Variants in RYR3 observed in about 807,000 individuals in gnomAD.
RYR3 encodes brain ryanodine receptor-calcium release channel.
In RYR3, 207 loss-of-function variants were observed where a neutral mutation model predicts 584.3. The ratio of observed to expected loss-of-function variants is 0.35; its 90% CI spans 0.32 to 0.40. The LOEUF (loss-of-function observed/expected upper bound fraction) is 0.40, where lower values mean the gene tolerates loss of function less well. RYR3 is among the 10% of genes least tolerant of loss of function. The pLI is 1.00. For missense variants in RYR3, 5,616 were observed against 6,089.2 expected (o/e 0.92, Z 2.59); for synonymous variants, 2,416 against 2,248.5 (o/e 1.07, Z -2.11).
intron 38 of RYR3, among the ~76,000 whole-genome samples, chr15:33,689,297 C>G (rs1463302909): frequency 6.6e-6 from 1 of 151,756 alleles, no homozygotes; most frequent in Non-Finnish European, 1.5e-5. Context: ...GTGCAGCACA[C>G]CAACATGGCA....
intron 1 of RYR3, among the ~76,000 whole-genome samples, chr15:33,329,748 T>G (rs185985163): frequency 1.3e-5 from 2 of 152,310 alleles, no homozygotes; most frequent in African/African-American, 4.8e-5. Context: ...TATTTTTCAT[T>G]TGATGCTTGT....
At chr15:33,473,249 G>A (rs916656608) in intron 1 of RYR3, 170 bp from the exon 2 acceptor site, 5 of 809,902 alleles carry the variant, frequency 6.2e-6, no homozygotes, top group Middle Eastern at 4.7e-4. Context: ...GATGCTCCGT[G>A]ATGTCCTGTG....
intron 1 of RYR3, among the ~76,000 whole-genome samples, chr15:33,321,695 T>C (rs1339417788): frequency 4.6e-5 from 7 of 152,076 alleles, no homozygotes; most frequent in Non-Finnish European, 1.0e-4. Context: ...GACGGGAAAT[T>C]TAATAATAAT....
Position 33,633,076 on chromosome 15 carries a change from A to C in RYR3, c.2995A>C (p.Ile999Leu), listed in dbSNP as rs776838643. ...NAHNVWAKDR[I>L]KQGWTYGIQQ... The stretch of plus-strand genomic sequence containing the variant: ...ACACAATGTTTGGGCAAAAGACAGA[A>C]TAAAACAAGGATGGACCTATGGCAT... Residue 999 changes from isoleucine to leucine, a missense_variant, in exon 24 of 104, where the codon ATA becomes CTA. This residue lies in a region of RYR3 where 1,284 missense variants were observed against 1,344.6 expected (regional missense o/e 0.95). Coordinates refer to ENST00000634891, the MANE Select transcript of RYR3 (RefSeq NM_001036.6). The C allele has an allele frequency of 2.5e-6, 4 of 1,614,028 alleles. No homozygotes were observed. The South Asian group carries it at 3.3e-5, about 13-fold the overall frequency.
At chr15:33,691,719 G>A (rs538527718) in intron 38 of RYR3, among the ~76,000 whole-genome samples, 3 of 152,172 alleles carry the variant, frequency 2.0e-5, no homozygotes, top group African/African-American at 7.2e-5. Flanking sequence ...CTATCACAGA[G>A]GATATTTTAA....
At chr15:33,315,282 A>T (rs1430728933) in intron 1 of RYR3, among the ~76,000 whole-genome samples, 1 of 152,148 alleles carries the variant, frequency 6.6e-6, no homozygotes, top group Non-Finnish European at 1.5e-5. Context: ...TGGTTTATGG[A>T]TGCCTGCTTT....
intron 1 of RYR3, among the ~76,000 whole-genome samples, chr15:33,426,949 A>G (rs1406007009): frequency 6.6e-6 from 1 of 152,192 alleles, no homozygotes; most frequent in African/African-American, 2.4e-5. Flanking sequence ...ATAAGGGCAC[A>G]AATCCCATTT....
chr15:33,853,762 C>T lies in RYR3; in HGVS notation c.13799+80C>T, dbSNP rs2079350647. 10 of 1,527,740 alleles carry T rather than the reference C, an allele frequency of 6.5e-6. No individual in the cohort carries two copies. In the East Asian group the frequency reaches 6.8e-5, roughly 10 times the overall value. 94.6% of individuals were successfully genotyped at this position (1,527,740 alleles called of 1,614,324 possible). On this transcript the variant is annotated intron_variant, in intron 96 of 103. Coordinates refer to ENST00000634891, the MANE Select transcript of RYR3 (RefSeq NM_001036.6). ...CTTTTCCATAGGAAAAAATCACAAC[C>T]GTGTCTTTGTTCTCTCAGGCTGTGG...
At chr15:33,834,790 G>C (rs910218987) in intron 86 of RYR3, among the ~76,000 whole-genome samples, 178 bp from the exon 87 acceptor site, 1 of 152,178 alleles carries the variant, frequency 6.6e-6, no homozygotes, top group Non-Finnish European at 1.5e-5. Flanking sequence ...CCTAGATATG[G>C]TATCCTATAA....
Position 33,769,114 on chromosome 15 carries a change from A to G in RYR3, c.8758A>G (p.Ser2920Gly), listed in dbSNP as rs374086691. 23 of 1,611,232 alleles carry G rather than the reference A, an allele frequency of 1.4e-5. No individual in the cohort carries two copies. The highest frequency in any genetic ancestry group is 1.9e-5 in the Non-Finnish European group (22 of 1,177,508). Residue 2920 changes from serine (S) to glycine (G), a missense_variant and splice_region_variant, in exon 62 of 104, where the codon AGT (serine) becomes GGT (glycine). Around this residue, in one of 9 missense-constraint regions of RYR3, gnomAD observed 1,280 missense variants for 1,426.2 expected, o/e 0.90. Transcript: ENST00000634891. The stretch of plus-strand genomic sequence containing the variant: ...ACAGATGATTTTTTTTATTCCAGGT[A>G]GTGATTCTACTACAATGGTGAGCTG... ...LVRHRISLFGSDSTTMVSCLH... is the reference protein window; with the variant it reads ...LVRHRISLFGGDSTTMVSCLH...
At chr15:33,853,484 A>T in intron 95 of RYR3, 71 bp from the exon 96 acceptor site, 1 of 1,548,320 alleles carries the variant, frequency 6.5e-7, no homozygotes, top group East Asian at 2.3e-5. Context: ...CAAAGCTCTG[A>T]AGACCCCAGA....
chr15:33,457,659 G>T (rs2676088), intron 1 of RYR3, among the ~76,000 whole-genome samples: 88,362 of 152,036 alleles, frequency 0.58, 26,603 homozygotes, highest in African/African-American at 0.76. Context: ...CTGTTCTATG[G>T]CACAGTAGGG....
chr15:33,803,204 G>T (rs904643096), intron 69 of RYR3, among the ~76,000 whole-genome samples: 1 of 152,212 alleles, frequency 6.6e-6, no homozygotes, highest in Non-Finnish European at 1.5e-5. Flanking sequence ...TGCATTGCTT[G>T]ATAAAGTTTG....
Position 33,755,098 on chromosome 15 carries a change from C to T in RYR3, c.8433C>T (p.Ser2811=). The T allele has an allele frequency of 6.2e-7, 1 of 1,613,108 alleles. No individual in the cohort carries two copies. Among genetic ancestry groups the T allele is most frequent in the Non-Finnish European group, 8.5e-7 (1 of 1,179,416 alleles). ...AGGATATGGAGCTGGATGCCTCCTC[C>T]ATGGAGAAGAGGTTTGCCTATAAGT... ...GMKDMELDAS[S]MEKRFAYKFL... Residue 2811 remains serine (S), a synonymous_variant, in exon 58 of 104, where the codon TCC becomes TCT. Transcript: ENST00000634891.
In RYR3 at chr15:33,663,611, C is replaced by T. The variant is rs756869868; in HGVS notation, c.5493C>T (p.Asp1831=). Residue 1831 remains aspartate (D), a synonymous_variant, in exon 36 of 104, where the codon GAC becomes GAT. Transcript: ENST00000634891. ...HRVEAIVAFG[D]IYVSKLQANQ... Reference sequence around the variant, plus strand: ...TGGAGGCCATTGTGGCATTTGGTGACATTTATGTCTCCAAGCTGCAGGCAA... The same window carrying T: ...TGGAGGCCATTGTGGCATTTGGTGATATTTATGTCTCCAAGCTGCAGGCAA... The T allele has an allele frequency of 1.2e-6, 2 of 1,613,630 alleles. No homozygotes were observed. Among genetic ancestry groups the T allele is most frequent in the East Asian group, 2.2e-5 (1 of 44,872 alleles).
At position 33,662,388 on chromosome 15, in the gene RYR3, G is replaced by A. The variant is rs1596032965; in HGVS notation, c.4858G>A (p.Glu1620Lys). The A allele has an allele frequency of 1.9e-6, 3 of 1,613,620 alleles. No homozygotes were observed. The highest frequency in any genetic ancestry group is 2.5e-6 in the Non-Finnish European group (3 of 1,179,740). Residue 1620 changes from glutamate to lysine, a missense_variant, in exon 35 of 104, where the codon GAG becomes AAG. By Grantham distance (56) the Glu-to-Lys change is moderately conservative. Coordinates refer to ENST00000634891, the MANE Select transcript of RYR3 (RefSeq NM_001036.6). ...LISIHLASAK[E>K]RKLMMKNEYI... ...CAGCATCCACCTGGCCAGCGCCAAGGAGAGGAAGCTGATGATGAAGAACGA... is the reference window on the plus strand; with the variant it reads ...CAGCATCCACCTGGCCAGCGCCAAGAAGAGGAAGCTGATGATGAAGAACGA...
At chr15:33,395,962 G>A (rs2042271472) in intron 1 of RYR3, among the ~76,000 whole-genome samples, 1 of 152,138 alleles carries the variant, frequency 6.6e-6, no homozygotes, top group Admixed American at 6.6e-5. Context: ...GGAAACCCAC[G>A]CATACAGAGG....
intron 10 of RYR3, among the ~76,000 whole-genome samples, chr15:33,561,919 A>G (rs959762807): frequency 4.6e-5 from 7 of 151,688 alleles, no homozygotes; most frequent in Non-Finnish European, 8.8e-5. Context: ...AAAAAAAAAG[A>G]GAGAGAAATG....
intron 98 of RYR3, chr15:33,856,789 GGTGGGAT>G (rs2079715773): frequency 6.6e-6 from 1 of 152,458 alleles, no homozygotes. Flanking sequence ...CTCCCAAGTA[GGTGGGAT>G]TACAGGCACA....
Sources: allele counts gnomAD v4.1 joint callset (sites outside exome capture counted in the v4.1 genomes callset), GRCh38; gene constraint gnomAD v4.1.1; regional missense constraint gnomAD v4.1.1; transcripts MANE v1.5; gene names NCBI Gene and HGNC (gene_info 2026-07-23, HGNC 2026-07-21).